DOCK1: variants seen among roughly 807,000 people sequenced by gnomAD.
DOCK1 encodes the protein dedicator of cytokinesis 1, also known as dedicator of cytokinesis protein 1.
A neutral mutation model predicts 262.7 loss-of-function variants in DOCK1; 138 were observed. That is an observed-to-expected ratio of 0.53 (90% confidence interval 0.46 to 0.61). The LOEUF (loss-of-function observed/expected upper bound fraction) is 0.61. Ranked by LOEUF, DOCK1 falls within the 20% of genes least tolerant of loss-of-function variation. The pLI is 0.00. For missense variants in DOCK1, 1,908 were observed against 2,370.7 expected (o/e 0.80, Z 4.05); for synonymous variants, 866 against 867.4 (o/e 1.00, Z 0.03).
chr10:127,342,532 G>T (rs1159452640), intron 30 of DOCK1, among the ~76,000 whole-genome samples: 1 of 152,178 alleles, frequency 6.6e-6, no homozygotes, highest in Admixed American at 6.5e-5. Flanking sequence ...TATAGAAAGT[G>T]TGCTGTTCAT....
At chr10:127,288,606 C>T (rs2061241586) in intron 29 of DOCK1, among the ~76,000 whole-genome samples, 2 of 151,508 alleles carry the variant, frequency 1.3e-5, no homozygotes, top group Admixed American at 1.3e-4. Flanking sequence ...TTTTAGTTAC[C>T]TTCTTTGATT....
At chr10:127,393,525 AG>A (rs1200072554) in intron 38 of DOCK1, among the ~76,000 whole-genome samples, 7 of 152,276 alleles carry the variant, frequency 4.6e-5, no homozygotes, top group African/African-American at 1.4e-4. Flanking sequence ...TTAAGGGAGC[AG>A]GGGTCCCCAT....
intron 1 of DOCK1, among the ~76,000 whole-genome samples, chr10:126,941,726 G>A (rs1263681954): frequency 1.3e-5 from 2 of 151,898 alleles, no homozygotes; most frequent in Admixed American, 6.6e-5. Context: ...CTGCACTCCA[G>A]CCTGGGCGAC....
chr10:127,353,063 G>T (rs2063963550), intron 31 of DOCK1, among the ~76,000 whole-genome samples: 1 of 152,084 alleles, frequency 6.6e-6, no homozygotes, highest in African/African-American at 2.4e-5. Context: ...TGTGTTCAGG[G>T]GGGCCACCTC....
At chr10:127,415,933 TG>T (rs2068123392) in intron 44 of DOCK1, among the ~76,000 whole-genome samples, 1 of 152,244 alleles carries the variant, frequency 6.6e-6, no homozygotes, top group Admixed American at 6.5e-5. Flanking sequence ...TTTGTTCATG[TG>T]TCTCAGTGCC....
At chr10:127,405,504 C>G (rs1344839738) in intron 40 of DOCK1, among the ~76,000 whole-genome samples, 1 of 145,110 alleles carries the variant, frequency 6.9e-6, no homozygotes, top group Non-Finnish European at 1.5e-5. Flanking sequence ...TGTGATTGCT[C>G]TGGCTTTAGG....
intron 38 of DOCK1, among the ~76,000 whole-genome samples, chr10:127,388,965 C>T (rs938218962): frequency 6.6e-6 from 1 of 152,250 alleles, no homozygotes; most frequent in African/African-American, 2.4e-5. Flanking sequence ...AGACGACGTC[C>T]ACACTAGTCT....
chr10:126,906,634 G>A (rs763964806), intron 1 of DOCK1, among the ~76,000 whole-genome samples: 2 of 152,166 alleles, frequency 1.3e-5, no homozygotes, highest in Non-Finnish European at 2.9e-5. Context: ...CAAGGGCACC[G>A]TCTCAGCAGC....
intron 29 of DOCK1, among the ~76,000 whole-genome samples, chr10:127,306,750 T>C (rs910617348): frequency 6.6e-6 from 1 of 152,188 alleles, no homozygotes; most frequent in African/African-American, 2.4e-5. Context: ...TTAAAATTTA[T>C]CTCTCTGTGA....
intron 29 of DOCK1, among the ~76,000 whole-genome samples, chr10:127,271,587 T>G (rs1336956192): frequency 2.0e-5 from 3 of 152,194 alleles, no homozygotes; most frequent in Admixed American, 2.0e-4. Flanking sequence ...CACTTAATAT[T>G]TGTCATGTGC....
At chr10:127,367,710 T>C (rs1393332567) in intron 33 of DOCK1, among the ~76,000 whole-genome samples, 1 of 152,202 alleles carries the variant, frequency 6.6e-6, no homozygotes, top group Non-Finnish European at 1.5e-5. Flanking sequence ...CACTGTGGGC[T>C]GGGTCCATAG....
At chr10:127,427,450 G>A (rs11591989) in intron 47 of DOCK1, among the ~76,000 whole-genome samples, 3,206 of 152,232 alleles carry the variant, frequency 0.021, 123 homozygotes, top group African/African-American at 0.073. Flanking sequence ...TGCTCCCCAC[G>A]TGCCAGGGAC....
In DOCK1 at chr10:127,381,311, G is replaced by C; in HGVS notation, c.3750G>C (p.Glu1250Asp). 1 of 1,613,028 alleles carries C rather than the reference G, an allele frequency of 6.2e-7. No homozygotes were observed. The highest frequency in any genetic ancestry group is 8.5e-7 in the Non-Finnish European group (1 of 1,179,272). Residue 1250 changes from glutamate (E) to aspartate (D), a missense_variant, in exon 37 of 52, where the codon GAG (glutamate) becomes GAC (aspartate). Transcript: ENST00000623213. The part of the protein sequence containing the change: ...YLYKLCDLHK[E>D]CDNYTEAAYT... ...ACAAGCTCTGTGACCTGCACAAGGA[G>C]TGTGATAACTACACCGAAGCGGCTT...
At chr10:127,132,515 T>G (rs571647665) in intron 27 of DOCK1, among the ~76,000 whole-genome samples, 27 of 152,196 alleles carry the variant, frequency 1.8e-4, no homozygotes, top group Non-Finnish European at 3.5e-4. Flanking sequence ...CTTCAGGATT[T>G]ATTTCAGCCT....
intron 1 of DOCK1, among the ~76,000 whole-genome samples, chr10:126,940,128 C>T (rs1267601087): frequency 1.3e-5 from 2 of 152,146 alleles, no homozygotes; most frequent in Non-Finnish European, 2.9e-5. Context: ...CTGGTTATTT[C>T]TTTGTAGTCT....
chr10:127,235,995 G>T (rs2059036061), intron 27 of DOCK1, among the ~76,000 whole-genome samples: 1 of 151,914 alleles, frequency 6.6e-6, no homozygotes, highest in Admixed American at 6.6e-5. Context: ...TTGAGAGTTT[G>T]TCATATACTG....
At chr10:127,368,461 C>A (rs1172829631) in intron 33 of DOCK1, among the ~76,000 whole-genome samples, 1 of 152,112 alleles carries the variant, frequency 6.6e-6, no homozygotes, top group Non-Finnish European at 1.5e-5. Flanking sequence ...GAGACACCAC[C>A]ACAGCTGCGT....
intron 27 of DOCK1, among the ~76,000 whole-genome samples, chr10:127,129,894 GTTCT>G (rs879397806): frequency 0.043 from 6,513 of 152,004 alleles, 495 homozygotes; most frequent in African/African-American, 0.15. Flanking sequence ...GGGGAGCATG[GTTCT>G]GCCTGTGCTT....
rs905611861 is a variant in DOCK1, at chr10:127,402,912, T to C, written c.3928-143T>C. On this transcript the variant is annotated intron_variant, in intron 38 of 51. Transcript: ENST00000623213. ...AAAGACATGAGACTCAAGAAAATAT[T>C]TGTATTTTTTCGGTGTTATTCCCAT... is the stretch of plus-strand genomic sequence containing the variant. 7.2e-6 allele frequency: 6 copies of C among 828,464 alleles called. No homozygotes were observed. The African/African-American group carries it at 1.0e-4, about 14-fold the overall frequency. The allele number at this position is 828,464 out of a possible 1,614,324, so 51.3% of individuals were successfully genotyped here.
Sources: allele counts gnomAD v4.1 joint callset (sites outside exome capture counted in the v4.1 genomes callset), GRCh38; gene constraint gnomAD v4.1.1; transcripts MANE v1.5; gene names NCBI Gene and HGNC (gene_info 2026-07-23, HGNC 2026-07-21).